The following COMMD1 variants were observed in gnomAD, a reference collection of about 807,000 sequenced individuals.
The protein encoded by COMMD1 is copper metabolism domain containing 1, also known as COMM domain-containing protein 1.
Under a neutral mutation model 17.2 loss-of-function variants are expected in COMMD1, and 10 were observed. The observed-to-expected ratio is 0.58, with a 90% CI of 0.36 to 0.99. COMMD1 has a LOEUF of 0.99. Ranked by LOEUF, COMMD1 falls within the 50% of genes least tolerant of loss-of-function variation. The pLI is 0.01. For synonymous variants in COMMD1, 97 were observed against 91.6 expected (o/e 1.06, Z -0.34); for missense variants, 270 against 231.8 (o/e 1.17, Z -1.07).
intron 2 of COMMD1, among the ~76,000 whole-genome samples, chr2:62,082,619 T>C (rs1158275850): frequency 5.3e-5 from 8 of 152,344 alleles, no homozygotes; most frequent in African/African-American, 1.9e-4. Flanking sequence ...CCCAGCACTT[T>C]GGGAGGCCGA....
intron 2 of COMMD1, among the ~76,000 whole-genome samples, chr2:62,098,087 A>G (rs1672063123): frequency 6.6e-6 from 1 of 151,800 alleles, no homozygotes; most frequent in South Asian, 2.1e-4. Flanking sequence ...GGACCCTTGC[A>G]AACTCCCAAC....
At chr2:62,029,505 C>T (rs1669856777) in intron 2 of COMMD1, among the ~76,000 whole-genome samples, 1 of 151,990 alleles carries the variant, frequency 6.6e-6, no homozygotes, top group Non-Finnish European at 1.5e-5. Context: ...TAACCCATAT[C>T]CCTTCTTGTT....
At chr2:61,915,784 C>T in intron 1 of COMMD1, 1 of 402,714 alleles carries the variant, frequency 2.5e-6, no homozygotes, top group Non-Finnish European at 4.9e-6. Context: ...GTATGAGCCA[C>T]CACGCTTGGC....
intron 1 of COMMD1, among the ~76,000 whole-genome samples, chr2:61,955,129 C>T (rs1219127253): frequency 6.6e-6 from 1 of 152,242 alleles, no homozygotes; most frequent in Non-Finnish European, 1.5e-5. Flanking sequence ...TTCCACATCT[C>T]TAATGACTGA....
chr2:62,122,459 T>TG (rs1280351451), intron 2 of COMMD1, among the ~76,000 whole-genome samples: 4 of 150,926 alleles, frequency 2.7e-5, no homozygotes, highest in African/African-American at 7.3e-5. Context: ...TTTTTTTTTT[T>TG]GTCTAGTAGT....
intron 2 of COMMD1, 84 bp downstream of exon 2, chr2:62,001,066 A>C: frequency 7.9e-7 from 1 of 1,263,758 alleles, no homozygotes; most frequent in Non-Finnish European, 1.1e-6. Context: ...GATTTTATGC[A>C]ATAACAGCAA....
chr2:61,999,398 T>G lies in COMMD1; in HGVS notation c.181-1303T>G, dbSNP rs549717946. 5.3e-5 allele frequency among the ~76,000 whole-genome samples: 8 copies of G among 152,320 alleles called. No individual in the cohort carries two copies. The South Asian group carries it at 1.7e-3, about 32-fold the overall frequency. ...GTATATAATTTCACAGTAGTATTATTGTGAATGAGCTGTTTGGCTGAAGAT... is the reference window on the plus strand; with the variant it reads ...GTATATAATTTCACAGTAGTATTATGGTGAATGAGCTGTTTGGCTGAAGAT... On this transcript the variant is annotated intron_variant, in intron 1 of 2. Transcript: ENST00000311832.
intron 2 of COMMD1, among the ~76,000 whole-genome samples, chr2:62,041,787 G>A (rs1453517041): frequency 1.3e-5 from 2 of 152,196 alleles, no homozygotes; most frequent in African/African-American, 2.4e-5. Context: ...GTTCAGATGT[G>A]TCCGGAGTTT....
intron 2 of COMMD1, among the ~76,000 whole-genome samples, chr2:62,047,488 C>T (rs561452427): frequency 2.0e-5 from 3 of 150,044 alleles, no homozygotes; most frequent in Non-Finnish European, 3.0e-5. Context: ...TTTTTTGAGA[C>T]GGAGTCTTTA....
intron 1 of COMMD1, among the ~76,000 whole-genome samples, chr2:61,972,079 C>T (rs1329887615): frequency 1.3e-5 from 2 of 151,950 alleles, no homozygotes; most frequent in African/African-American, 4.8e-5. Flanking sequence ...GAGATTGTGC[C>T]ACTGCACGCC....
intron 1 of COMMD1, among the ~76,000 whole-genome samples, chr2:61,893,628 A>G (rs1316996325): frequency 6.6e-6 from 1 of 152,172 alleles, no homozygotes. Flanking sequence ...AGCCTGGCCA[A>G]CGTGGTGAAA....
In COMMD1 at chr2:62,008,588, C is replaced by T. The variant is rs1669191334; in HGVS notation, c.462+7606C>T. On this transcript the variant is annotated intron_variant, in intron 2 of 2. Transcript: ENST00000311832. ...TATATAAGCTGTAATGCAAGCAATA[C>T]AAATTTGTTTCTGATAATTCTTGTA... Among the ~76,000 whole-genome samples the T allele has an allele frequency of 2.0e-5, 3 of 152,138 alleles. No individual in the cohort carries two copies. In the South Asian group the frequency reaches 6.2e-4, roughly 31 times the overall value.
At chr2:62,016,660 G>A (rs539313016) in intron 2 of COMMD1, among the ~76,000 whole-genome samples, 116 of 151,982 alleles carry the variant, frequency 7.6e-4, no homozygotes, top group Middle Eastern at 3.4e-3. Context: ...TTTTCTCCCG[G>A]TCTGGGTTTT....
At chr2:62,098,834 G>T (rs1028420224) in intron 2 of COMMD1, among the ~76,000 whole-genome samples, 1 of 152,138 alleles carries the variant, frequency 6.6e-6, no homozygotes, top group Middle Eastern at 3.2e-3. Context: ...TCATTCTTCA[G>T]CTTTGTTCTG....
intron 1 of COMMD1, among the ~76,000 whole-genome samples, chr2:61,976,198 TAA>T (rs200120465): frequency 4.9e-5 from 6 of 122,882 alleles, no homozygotes; most frequent in Admixed American, 2.5e-4. Flanking sequence ...ATAGAGTAAC[TAA>T]AAAAAAAAAA....
intron 2 of COMMD1, among the ~76,000 whole-genome samples, chr2:62,064,669 G>C (rs1558583595): frequency 6.6e-6 from 1 of 152,072 alleles, no homozygotes; most frequent in East Asian, 1.9e-4. Flanking sequence ...CTTCTGTCTT[G>C]TGTAATCAGT....
intron 2 of COMMD1, among the ~76,000 whole-genome samples, chr2:62,074,716 G>A (rs1274424680): frequency 1.3e-5 from 2 of 152,088 alleles, no homozygotes; most frequent in African/African-American, 2.4e-5. Context: ...TCATAACTAG[G>A]CATTAACTTC....
intron 2 of COMMD1, among the ~76,000 whole-genome samples, chr2:62,130,111 C>T (rs1672986675): frequency 6.7e-6 from 1 of 148,960 alleles, no homozygotes; most frequent in Admixed American, 6.7e-5. Context: ...GGAGGCGGAG[C>T]TTGCAATGAG....
chr2:62,110,582 C>T (rs1672431144), intron 2 of COMMD1, among the ~76,000 whole-genome samples: 1 of 152,118 alleles, frequency 6.6e-6, no homozygotes. Flanking sequence ...GAGTGATCAG[C>T]TCTGTGAGGC....
Sources: gnomAD v4.1 joint callset for allele counts (sites outside exome capture counted in the v4.1 genomes callset) on GRCh38, gnomAD v4.1.1 for gene constraint, MANE v1.5 for transcripts, NCBI Gene and HGNC (gene_info 2026-07-23, HGNC 2026-07-21) for gene names.